NRG2: variants seen among roughly 807,000 people sequenced by gnomAD.
NRG2 encodes the protein neuregulin 2, also known as pro-neuregulin-2, membrane-bound isoform.
Under a neutral mutation model 73.9 loss-of-function variants are expected in NRG2, and 27 were observed. That is an observed-to-expected ratio of 0.37 (90% confidence interval 0.27 to 0.50). The LOEUF is 0.50. Ranked by LOEUF, NRG2 falls within the 20% of genes least tolerant of loss-of-function variation. NRG2 has a pLI of 0.96. For missense variants in NRG2, 1,126 were observed against 1,210.1 expected, an observed-to-expected ratio of 0.93 and a Z score of 1.03; for synonymous variants, 532 against 541.0, an observed-to-expected ratio of 0.98 and a Z score of 0.23.
intron 1 of NRG2, among the ~76,000 whole-genome samples, chr5:139,964,391 C>T (rs913489253): frequency 6.7e-6 from 1 of 149,832 alleles, no homozygotes; most frequent in Non-Finnish European, 1.5e-5. Flanking sequence ...CACACACACA[C>T]GGATGCCCAT....
At chr5:139,872,237 A>C (rs1287965124) in intron 3 of NRG2, among the ~76,000 whole-genome samples, 1 of 152,184 alleles carries the variant, frequency 6.6e-6, no homozygotes, top group Admixed American at 6.5e-5. Flanking sequence ...TGTGGGGAAC[A>C]AACGCAGGAG....
At chr5:139,976,565 C>T (rs1277807107) in intron 1 of NRG2, among the ~76,000 whole-genome samples, 2 of 152,196 alleles carry the variant, frequency 1.3e-5, no homozygotes, top group African/African-American at 2.4e-5. Flanking sequence ...ACCTCCTCCC[C>T]AATTTTCCCA....
At chr5:139,879,342 A>T (rs867523490) in intron 3 of NRG2, among the ~76,000 whole-genome samples, 4 of 152,220 alleles carry the variant, frequency 2.6e-5, no homozygotes, top group Admixed American at 1.3e-4. Flanking sequence ...TGGTTGGCCA[A>T]GGAGTGGCCC....
chr5:139,861,537 T>A (rs1762143410), intron 5 of NRG2, among the ~76,000 whole-genome samples: 1 of 152,220 alleles, frequency 6.6e-6, no homozygotes, highest in Non-Finnish European at 1.5e-5. Flanking sequence ...ACCACACCAA[T>A]GAAGCATTCA....
intron 1 of NRG2, among the ~76,000 whole-genome samples, chr5:139,987,939 T>A (rs1338697146): frequency 6.6e-6 from 1 of 152,150 alleles, no homozygotes; most frequent in Non-Finnish European, 1.5e-5. Flanking sequence ...CATGCCTGGC[T>A]AATTTTTTGT....
chr5:139,971,620 G>A (rs954559897), intron 1 of NRG2, among the ~76,000 whole-genome samples: 8 of 152,124 alleles, frequency 5.3e-5, no homozygotes, highest in African/African-American at 1.4e-4. Flanking sequence ...GCATTCTCAA[G>A]TGCATGAGCA....
chr5:139,947,411 C>G (rs114540182), intron 1 of NRG2, among the ~76,000 whole-genome samples: 1 of 152,184 alleles, frequency 6.6e-6, no homozygotes, highest in Non-Finnish European at 1.5e-5. Flanking sequence ...TGTTTCAGTA[C>G]TTTTTTCCTT....
At chr5:139,909,006 T>G (rs560269663) in intron 1 of NRG2, among the ~76,000 whole-genome samples, 3 of 152,332 alleles carry the variant, frequency 2.0e-5, no homozygotes, top group African/African-American at 7.2e-5. Context: ...TCTTTCCTCT[T>G]ACCACAGGTT....
chr5:140,029,544 T>G (rs1760964882), intron 1 of NRG2, among the ~76,000 whole-genome samples: 1 of 152,030 alleles, frequency 6.6e-6, no homozygotes, highest in African/African-American at 2.4e-5. Context: ...ATCCAGCTAG[T>G]AAGTCACAGA....
chr5:139,952,784 T>A (rs1754316350), intron 1 of NRG2, among the ~76,000 whole-genome samples: 1 of 152,014 alleles, frequency 6.6e-6, no homozygotes, highest in Admixed American at 6.6e-5. Flanking sequence ...TGTGTGTGCA[T>A]GCGTGTATGT....
intron 1 of NRG2, among the ~76,000 whole-genome samples, chr5:139,986,932 A>T (rs557176335): frequency 6.6e-6 from 1 of 151,950 alleles, no homozygotes; most frequent in African/African-American, 2.4e-5. Context: ...TTCCAAATTG[A>T]CTCAGAAAAA....
rs1018332365 is a variant in NRG2 at position 139,848,246 on chromosome 5, G to A, written c.2224C>T (p.Arg742Cys). Residue 742 changes from arginine to cysteine, a missense_variant, in exon 10 of 10, where the codon CGC (arginine) becomes TGC (cysteine). By Grantham distance (180) the Arg-to-Cys change is radical. Around this residue, in one of 3 missense-constraint regions of NRG2, gnomAD observed 402 missense variants for 357.8 expected, o/e 1.12. Transcript: ENST00000361474. The stretch of plus-strand genomic sequence containing the variant: ...CCGTTGAGGCGCGAGCGGCGCCAGC[G>A]CCGGGGCCCCGCCGACGTCCTGCGG... ...ASRRTSAGPR[R>C]WRRSRLNGLA... 8.8e-7 allele frequency: 1 copy of A among 1,133,366 alleles called. No individual in the cohort carries two copies. The allele number at this position is 1,133,366 out of a possible 1,614,324, so 70.2% of individuals were successfully genotyped here. A position where few individuals can be genotyped will look rare whatever the true frequency, so the allele number is the denominator to read the frequency against.
Position 139,848,418 on chromosome 5 carries a change from G to T in NRG2, c.2052C>A (p.Pro684=). The change falls in exon 10 of 10, where the codon CCC becomes CCA. Residue 684 remains proline (P), a synonymous_variant. Coordinates refer to ENST00000361474, the MANE Select transcript of NRG2 (RefSeq NM_004883.3). ...GCGCGCAGGTCCCGCGCCGCGGTCC[G>T]GGCCCCGCCGCGGGGTAATAGTAGC... ...YDSYYYPAAG[P]GPRRGTCALG... The T allele has an allele frequency of 7.8e-7, 1 of 1,284,002 alleles. No individual in the cohort carries two copies. Among genetic ancestry groups the T allele is most frequent in the Non-Finnish European group, 9.8e-7 (1 of 1,024,088 alleles). 79.5% of individuals were successfully genotyped at this position (1,284,002 alleles called of 1,614,324 possible).
intron 4 of NRG2, 93 bp downstream of exon 4, chr5:139,871,628 G>A: frequency 6.5e-7 from 1 of 1,535,692 alleles, no homozygotes; most frequent in Non-Finnish European, 8.9e-7. Context: ...CTTGTCAGTG[G>A]CTTGGAACCC....
At position 139,847,890 on chromosome 5, in the gene NRG2, C is replaced by T; in HGVS notation, c.*27G>A. 9.2e-7 allele frequency: 1 copy of T among 1,089,084 alleles called. No homozygotes were observed. The highest frequency in any genetic ancestry group is 1.2e-6 in the Non-Finnish European group (1 of 837,724). 67.5% of individuals were successfully genotyped at this position (1,089,084 alleles called of 1,614,324 possible). ...GTCTCCTTAAAGATAGTGGGGCGGGCGGGGCGGAGGGGCGCGCGGCGGGGC... is the reference window on the plus strand; with the variant it reads ...GTCTCCTTAAAGATAGTGGGGCGGGTGGGGCGGAGGGGCGCGCGGCGGGGC... On this transcript the variant is annotated 3_prime_UTR_variant, in exon 10 of 10. Transcript: ENST00000361474.
At chr5:139,850,998 T>C (rs1278623170) in intron 9 of NRG2, among the ~76,000 whole-genome samples, 1 of 151,862 alleles carries the variant, frequency 6.6e-6, no homozygotes, top group Non-Finnish European at 1.5e-5. Flanking sequence ...TTTTTTTTTT[T>C]CTTTTTGTAA....
chr5:139,945,698 T>C (rs1275904090), intron 1 of NRG2, among the ~76,000 whole-genome samples: 3 of 152,010 alleles, frequency 2.0e-5, no homozygotes, highest in African/African-American at 7.2e-5. Flanking sequence ...ATCTTATATA[T>C]AGAAATACTC....
chr5:139,873,051 G>T (rs1053815715), intron 3 of NRG2, among the ~76,000 whole-genome samples: 1 of 152,168 alleles, frequency 6.6e-6, no homozygotes, highest in Admixed American at 6.5e-5. Flanking sequence ...GGAGGAGGAG[G>T]AGGGCAGGCA....
intron 3 of NRG2, 115 bp from the exon 4 acceptor site, chr5:139,871,956 G>T: frequency 7.1e-7 from 1 of 1,409,000 alleles, no homozygotes; most frequent in South Asian, 1.4e-5. Context: ...CTGCAGGAAT[G>T]ACTGGGGAGG....
Sources: gnomAD v4.1 joint callset for allele counts (sites outside exome capture counted in the v4.1 genomes callset) on GRCh38, gnomAD v4.1.1 for gene constraint, gnomAD v4.1.1 regional missense constraint, MANE v1.5 for transcripts, NCBI Gene and HGNC (gene_info 2026-07-23, HGNC 2026-07-21) for gene names.